The following ASTN2 variants were observed in gnomAD, a reference collection of about 807,000 sequenced individuals.
ASTN2 encodes astrotactin-2.
Under a neutral mutation model 139.8 loss-of-function variants are expected in ASTN2, and 54 were observed. The ratio of observed to expected loss-of-function variants is 0.39; its 90% CI spans 0.31 to 0.48. The LOEUF is 0.48. Ranked by LOEUF, ASTN2 falls within the 20% of genes least tolerant of loss-of-function variation. The pLI is 0.95. For missense variants in ASTN2, 1,565 were observed against 1,725.1 expected (o/e 0.91, Z 1.64); for synonymous variants, 756 against 719.5 (o/e 1.05, Z -0.81).
At position 116,437,665 on chromosome 9, in the gene ASTN2, C is replaced by CA. The variant is rs142964099; in HGVS notation, c.3782+2943dup. 5.0e-3 allele frequency: 2,307 copies of CA among 458,212 alleles called. 34 individuals are homozygous for CA. Among genetic ancestry groups the CA allele is most frequent in the African/African-American group, 0.042 (2,075 of 49,548 alleles). The allele number at this position is 458,212 out of a possible 1,614,324, so 28.4% of individuals were successfully genotyped here. ...ACTCCCTGAGCCCTGTGGGAAAGCC[C>CA]AAAAAACTGGAATGCCTTCCTCTGT... is the stretch of plus-strand genomic sequence containing the variant. On this transcript the variant is annotated intron_variant, in intron 22 of 22. Transcript: ENST00000313400.
intron 10 of ASTN2, among the ~76,000 whole-genome samples, chr9:116,925,641 A>G (rs1834732159): frequency 6.7e-6 from 1 of 150,222 alleles, no homozygotes; most frequent in Non-Finnish European, 1.5e-5. Context: ...GTTCCTGAGT[A>G]CTTCTTCCAG....
intron 2 of ASTN2, among the ~76,000 whole-genome samples, chr9:117,281,986 G>C (rs553277165): frequency 6.6e-6 from 1 of 152,232 alleles, no homozygotes; most frequent in Non-Finnish European, 1.5e-5. Context: ...AGTTCCATCT[G>C]CTTCTCTTAC....
Position 116,927,400 on chromosome 9 carries a change from T to C in ASTN2, c.1889+47808A>G, listed in dbSNP as rs1834784385. On this transcript the variant is annotated intron_variant, in intron 10 of 22. Transcript: ENST00000313400. The stretch of plus-strand genomic sequence containing the variant: ...ATAATCACGGGGTGTCTTGTTTTCA[T>C]ATATTTATCATTACTAACAGGAAGC... 4.6e-5 allele frequency among the ~76,000 whole-genome samples: 7 copies of C among 152,218 alleles called. No individual in the cohort carries two copies. The South Asian group carries it at 1.4e-3, about 32-fold the overall frequency.
intron 6 of ASTN2, among the ~76,000 whole-genome samples, chr9:117,032,764 C>T (rs907918959): frequency 2.0e-5 from 3 of 152,066 alleles, no homozygotes; most frequent in Non-Finnish European, 2.9e-5. Context: ...TGCTCAAAAC[C>T]AGCTACATGT....
At chr9:116,905,024 G>A (rs888875432) in intron 10 of ASTN2, among the ~76,000 whole-genome samples, 7 of 152,074 alleles carry the variant, frequency 4.6e-5, no homozygotes, top group Non-Finnish European at 1.0e-4. Context: ...TGAGGAGCAG[G>A]CCTGGCCTTC....
At chr9:116,715,789 C>A (rs758144755) in intron 16 of ASTN2, among the ~76,000 whole-genome samples, 1 of 152,156 alleles carries the variant, frequency 6.6e-6, no homozygotes, top group Non-Finnish European at 1.5e-5. Flanking sequence ...GCTCAAGGAA[C>A]TACTGTGGAA....
chr9:116,833,452 G>GTTTT (rs1831880438), intron 11 of ASTN2, among the ~76,000 whole-genome samples: 1 of 144,294 alleles, frequency 6.9e-6, no homozygotes, highest in Non-Finnish European at 1.5e-5. Context: ...TTTTTTTCTA[G>GTTTT]GTTCTTGAGG....
At chr9:116,462,788 A>AGTGTGTGTGTGTGTGTG in intron 20 of ASTN2, among the ~76,000 whole-genome samples, 1 of 146,190 alleles carries the variant, frequency 6.8e-6, no homozygotes, top group South Asian at 2.2e-4. Context: ...TTGGGTGAGC[A>AGTGTGTGTGTGTGTGTG]TGTGTGTGTG....
intron 19 of ASTN2, among the ~76,000 whole-genome samples, chr9:116,567,767 A>G (rs1853308744): frequency 6.6e-6 from 1 of 152,184 alleles, no homozygotes; most frequent in Admixed American, 6.5e-5. Context: ...TCATACTACT[A>G]GTTATTGAAT....
chr9:117,166,763 T>A (rs1483986585), intron 3 of ASTN2, among the ~76,000 whole-genome samples: 1 of 152,056 alleles, frequency 6.6e-6, no homozygotes, highest in African/African-American at 2.4e-5. Flanking sequence ...CATAACATAC[T>A]CTTATTATTC....
intron 3 of ASTN2, among the ~76,000 whole-genome samples, chr9:117,151,280 G>A (rs979560581): frequency 6.6e-6 from 1 of 152,162 alleles, no homozygotes; most frequent in South Asian, 2.1e-4. Context: ...ATGAGAATCA[G>A]AGTCACTAGC....
chr9:116,624,197 C>G (rs1856323525), intron 17 of ASTN2, among the ~76,000 whole-genome samples: 1 of 152,180 alleles, frequency 6.6e-6, no homozygotes. Flanking sequence ...GGATGTATTT[C>G]TGACTCTCTT....
At chr9:117,108,438 A>AACACACAC (rs3041147) in intron 4 of ASTN2, among the ~76,000 whole-genome samples, 21,068 of 145,168 alleles carry the variant, frequency 0.15, 1,910 homozygotes, top group Non-Finnish European at 0.2. Context: ...AACAAAACAA[A>AACACACAC]ACACACACAC....
intron 1 of ASTN2, among the ~76,000 whole-genome samples, chr9:117,363,719 C>T (rs1265058893): frequency 6.6e-6 from 1 of 152,116 alleles, no homozygotes; most frequent in East Asian, 1.9e-4. Flanking sequence ...GGGGATAAGG[C>T]TACATAAAAC....
chr9:116,647,250 G>T (rs1454858972), intron 17 of ASTN2, among the ~76,000 whole-genome samples: 1 of 152,128 alleles, frequency 6.6e-6, no homozygotes, highest in Non-Finnish European at 1.5e-5. Context: ...ATAAGTCTGT[G>T]AACTCCGTAA....
chr9:117,088,829 C>T (rs1269848972), intron 5 of ASTN2, among the ~76,000 whole-genome samples: 1 of 152,174 alleles, frequency 6.6e-6, no homozygotes, highest in East Asian at 1.9e-4. Context: ...GAGACAGATG[C>T]ACCCAAACCC....
intron 4 of ASTN2, among the ~76,000 whole-genome samples, chr9:117,136,277 C>A (rs1829949223): frequency 6.6e-6 from 1 of 152,164 alleles, no homozygotes; most frequent in Non-Finnish European, 1.5e-5. Flanking sequence ...TTAGTTAAAT[C>A]ATGGTTCTTC....
Position 117,119,514 on chromosome 9 carries a change from C to T in ASTN2, c.1168+21812G>A, listed in dbSNP as rs370486166. On this transcript the variant is annotated intron_variant, in intron 4 of 22. Coordinates refer to ENST00000313400, the MANE Select transcript of ASTN2 (RefSeq NM_001365068.1). ...AGCACCTCCTTCTCCTTACTCTCTC[C>T]TGCATCTCACAGCTTTCACTCCACA... Among the ~76,000 whole-genome samples the T allele has an allele frequency of 3.9e-5, 6 of 152,250 alleles. No individual in the cohort carries two copies. The East Asian group carries it at 9.7e-4, about 25-fold the overall frequency.
At chr9:116,907,979 C>T (rs941100937) in intron 10 of ASTN2, among the ~76,000 whole-genome samples, 8 of 152,130 alleles carry the variant, frequency 5.3e-5, no homozygotes, top group Admixed American at 4.6e-4. Context: ...CAAGAATAGC[C>T]AGAACTGAGT....
Sources: allele counts gnomAD v4.1 joint callset (sites outside exome capture counted in the v4.1 genomes callset), GRCh38; gene constraint gnomAD v4.1.1; transcripts MANE v1.5; gene names NCBI Gene and HGNC (gene_info 2026-07-23, HGNC 2026-07-21).